NR6A1: variants seen among roughly 807,000 people sequenced by gnomAD.
NR6A1 encodes the protein nuclear receptor subfamily 6 group A member 1.
Under a neutral mutation model 59.1 loss-of-function variants are expected in NR6A1, and 7 were observed. The observed-to-expected ratio is 0.12, with a 90% CI of 0.07 to 0.22. The LOEUF is 0.22. Among genes scored for constraint, NR6A1 ranks in the 10% least tolerant of loss-of-function variants. NR6A1 has a pLI of 1.00. For synonymous variants in NR6A1, 243 were observed against 236.1 expected (o/e 1.03, Z -0.27); for missense variants, 468 against 611.6 (o/e 0.77, Z 2.48).
intron 2 of NR6A1, among the ~76,000 whole-genome samples, chr9:124,597,772 A>G (rs1835319568): frequency 6.6e-6 from 1 of 152,242 alleles, no homozygotes; most frequent in Admixed American, 6.5e-5. Flanking sequence ...TATAGACTCT[A>G]CTGGAAGAGG....
In NR6A1 at chr9:124,603,824, G is replaced by T. The variant is rs554844753; in HGVS notation, c.143-49254C>A. ...AGACCACCTTAGGCCAGCCATTCCC[G>T]CAAAGCCAAAACCAGTTTTCCCAGT... On this transcript the variant is annotated intron_variant, in intron 2 of 9. Transcript: ENST00000487099. Among the ~76,000 whole-genome samples, 89 of 152,202 alleles carry T rather than the reference G, an allele frequency of 5.8e-4. 1 individual carries two copies. In the South Asian group the frequency reaches 0.018, roughly 31 times the overall value.
intron 2 of NR6A1, among the ~76,000 whole-genome samples, chr9:124,690,890 T>C (rs1838520349): frequency 6.6e-6 from 1 of 152,192 alleles, no homozygotes; most frequent in Admixed American, 6.5e-5. Flanking sequence ...TTATTTCAAA[T>C]ACAGTGGGCA....
intron 2 of NR6A1, among the ~76,000 whole-genome samples, chr9:124,667,311 G>A (rs1564227128): frequency 6.6e-6 from 1 of 151,812 alleles, no homozygotes; most frequent in Non-Finnish European, 1.5e-5. Flanking sequence ...GATTACAGGT[G>A]TGAGCCACTG....
intron 2 of NR6A1, among the ~76,000 whole-genome samples, chr9:124,686,359 A>C (rs10986395): frequency 0.018 from 2,720 of 152,336 alleles, 82 homozygotes; most frequent in African/African-American, 0.062. Flanking sequence ...GGCTTTAAAG[A>C]ACTTTTAAAA....
chr9:124,696,434 G>A (rs1289820605), intron 2 of NR6A1, among the ~76,000 whole-genome samples: 1 of 151,292 alleles, frequency 6.6e-6, no homozygotes, highest in African/African-American at 2.4e-5. Context: ...TCGGTGTATA[G>A]CCTCACAGAT....
chr9:124,695,617 G>A (rs1056658716), intron 2 of NR6A1, among the ~76,000 whole-genome samples: 23 of 152,056 alleles, frequency 1.5e-4, no homozygotes, highest in African/African-American at 5.3e-4. Context: ...TGATCCGCCC[G>A]CCTCGGCCGC....
intron 1 of NR6A1, among the ~76,000 whole-genome samples, chr9:124,750,694 A>G (rs1840475291): frequency 6.6e-6 from 1 of 152,094 alleles, no homozygotes. Flanking sequence ...CAGGAGGCGG[A>G]GGTTGCAGTG....
intron 2 of NR6A1, among the ~76,000 whole-genome samples, chr9:124,722,879 C>A (rs1433053241): frequency 6.6e-6 from 1 of 151,958 alleles, no homozygotes; most frequent in Non-Finnish European, 1.5e-5. Context: ...CGCCTAGAGT[C>A]GGGGTTTCAT....
chr9:124,584,444 C>G (rs1360863191), intron 2 of NR6A1, among the ~76,000 whole-genome samples: 1 of 151,962 alleles, frequency 6.6e-6, no homozygotes, highest in Non-Finnish European at 1.5e-5. Context: ...TTGTGGCAAC[C>G]CTGCATCAAG....
intron 7 of NR6A1, among the ~76,000 whole-genome samples, chr9:124,531,156 G>T (rs559774460): frequency 1.5e-3 from 221 of 152,304 alleles, no homozygotes; most frequent in African/African-American, 5.2e-3. Flanking sequence ...AGGGAAGCTG[G>T]GAGGCAACTT....
intron 9 of NR6A1, among the ~76,000 whole-genome samples, 160 bp from the exon 10 acceptor site, chr9:124,522,953 T>A (rs556820234): frequency 2.0e-5 from 3 of 152,216 alleles, no homozygotes; most frequent in Admixed American, 2.0e-4. Context: ...TGGGCTAACA[T>A]CCTAACATCC....
intron 1 of NR6A1, among the ~76,000 whole-genome samples, chr9:124,760,622 C>T (rs1283224998): frequency 6.6e-6 from 1 of 152,166 alleles, no homozygotes; most frequent in Non-Finnish European, 1.5e-5. Flanking sequence ...CTGTTACTAG[C>T]TGCGAAATCT....
chr9:124,519,434 C>T lies in NR6A1; in HGVS notation c.*3271G>A, dbSNP rs1832751008. On this transcript the variant is annotated 3_prime_UTR_variant, in exon 10 of 10. Transcript: ENST00000487099. ...AAACCTTGCAAAGGACTCCAAAAGTCTACAAAGGCAGCCAGAGAGCATGAA... is the reference window on the plus strand; with the variant it reads ...AAACCTTGCAAAGGACTCCAAAAGTTTACAAAGGCAGCCAGAGAGCATGAA... 6.6e-6 allele frequency: 1 copy of T among 152,152 alleles called. No individual in the cohort carries two copies. The highest frequency in any genetic ancestry group is 2.4e-5 in the African/African-American group (1 of 41,424). 9.4% of individuals were successfully genotyped at this position (152,152 alleles called of 1,614,324 possible). A position where few individuals can be genotyped will look rare whatever the true frequency, so the allele number is the denominator to read the frequency against.
At chr9:124,719,942 C>T (rs956204441) in intron 2 of NR6A1, among the ~76,000 whole-genome samples, 5 of 152,092 alleles carry the variant, frequency 3.3e-5, no homozygotes, top group Non-Finnish European at 7.3e-5. Context: ...AAGGCAGCCA[C>T]TACTCTGTTC....
intron 1 of NR6A1, among the ~76,000 whole-genome samples, chr9:124,737,091 T>C (rs960352589): frequency 6.6e-6 from 1 of 152,182 alleles, no homozygotes; most frequent in African/African-American, 2.4e-5. Flanking sequence ...GCTGTGGTTC[T>C]TGAACTTTTA....
intron 2 of NR6A1, among the ~76,000 whole-genome samples, chr9:124,698,905 AC>A (rs1464448400): frequency 6.6e-6 from 1 of 152,200 alleles, no homozygotes; most frequent in East Asian, 1.9e-4. Flanking sequence ...ACTGAAAAAC[AC>A]ACAACCAATC....
At chr9:124,729,158 A>T (rs1268485282) in intron 2 of NR6A1, among the ~76,000 whole-genome samples, 1 of 152,156 alleles carries the variant, frequency 6.6e-6, no homozygotes, top group African/African-American at 2.4e-5. Context: ...AAATAGAGAT[A>T]AGTTGGGAAG....
chr9:124,673,604 T>A (rs1005240980), intron 2 of NR6A1, among the ~76,000 whole-genome samples: 7 of 152,130 alleles, frequency 4.6e-5, no homozygotes, highest in African/African-American at 1.7e-4. Context: ...CTTTTAGGAA[T>A]GCCTGTGAAG....
chr9:124,716,379 T>C (rs1222123492), intron 2 of NR6A1, among the ~76,000 whole-genome samples: 5 of 152,222 alleles, frequency 3.3e-5, no homozygotes, highest in Non-Finnish European at 7.3e-5. Context: ...GTAGAAAATA[T>C]AGCATATCTC....
Sources: allele counts gnomAD v4.1 joint callset (sites outside exome capture counted in the v4.1 genomes callset), GRCh38; gene constraint gnomAD v4.1.1; transcripts MANE v1.5; gene names NCBI Gene and HGNC (gene_info 2026-07-23, HGNC 2026-07-21).